Variants in MKLN1 observed in about 807,000 individuals in gnomAD.
MKLN1 encodes muskelin.
A neutral mutation model predicts 99.0 loss-of-function variants in MKLN1; 18 were observed. The ratio of observed to expected loss-of-function variants is 0.18; its 90% CI spans 0.13 to 0.27. MKLN1 has a LOEUF of 0.27. MKLN1 is among the 10% of genes least tolerant of loss of function. MKLN1 has a pLI of 1.00. For synonymous variants in MKLN1, 288 were observed against 293.2 expected, an observed-to-expected ratio of 0.98 and a Z score of 0.18; for missense variants, 621 against 875.9, an observed-to-expected ratio of 0.71 and a Z score of 3.67.
intron 1 of MKLN1, among the ~76,000 whole-genome samples, chr7:131,365,467 A>C (rs2116816729): frequency 6.6e-6 from 1 of 152,132 alleles, no homozygotes; most frequent in East Asian, 1.9e-4. Context: ...CCCACTTGTC[A>C]ATTTTTGTTT....
chr7:131,348,675 G>T (rs556071688), intron 1 of MKLN1, among the ~76,000 whole-genome samples: 2 of 152,130 alleles, frequency 1.3e-5, no homozygotes, highest in Non-Finnish European at 2.9e-5. Context: ...ATGGGTATGA[G>T]AGGAGAGTTC....
intron 1 of MKLN1, among the ~76,000 whole-genome samples, chr7:131,330,270 G>GGTC (rs1285146242): frequency 6.6e-6 from 1 of 152,112 alleles, no homozygotes; most frequent in Non-Finnish European, 1.5e-5. Context: ...TTCTTAAACA[G>GGTC]GTCTCATTTT....
chr7:131,238,227 A>G (rs1220961391), intron 3 of MKLN1, among the ~76,000 whole-genome samples: 1 of 152,196 alleles, frequency 6.6e-6, no homozygotes, highest in Non-Finnish European at 1.5e-5. Flanking sequence ...GGCAGTCCTA[A>G]ATTGGTACTA....
intron 3 of MKLN1, among the ~76,000 whole-genome samples, chr7:131,307,525 G>A (rs1159898199): frequency 3.9e-5 from 6 of 152,212 alleles, no homozygotes; most frequent in Admixed American, 2.6e-4. Context: ...AGAGTCACAG[G>A]AGCGGAGTTA....
chr7:131,120,390 C>CAA (rs548981792), intron 1 of MKLN1, among the ~76,000 whole-genome samples: 1,541 of 142,794 alleles, frequency 0.011, 39 homozygotes, highest in African/African-American at 0.038. Context: ...AACAAACAAA[C>CAA]AAAAAAAAAC....
At chr7:131,482,699 A>T (rs1289765955) in intron 17 of MKLN1, among the ~76,000 whole-genome samples, 3 of 152,190 alleles carry the variant, frequency 2.0e-5, no homozygotes, top group Non-Finnish European at 4.4e-5. Context: ...CTCCATCTCT[A>T]AAAACAAAAA....
rs1562886549 is a variant in MKLN1, at chr7:131,478,592, CTTCT to C, written c.2032-28_2032-25del. 21 of 1,138,290 alleles carry C rather than the reference CTTCT, an allele frequency of 1.8e-5. No homozygotes were observed. In the East Asian group the frequency reaches 5.2e-4, roughly 28 times the overall value. 70.5% of individuals were successfully genotyped at this position (1,138,290 alleles called of 1,614,324 possible). A position where few individuals can be genotyped will look rare whatever the true frequency, so the allele number is the denominator to read the frequency against. On this transcript the variant is annotated intron_variant, in intron 16 of 17. Transcript: ENST00000352689. ...GTGCACTTAGCCAGCTAATTTGCTG[CTTCT>C]TTTTTTTTTTTTTTTTTTTTAAACA... is the stretch of plus-strand genomic sequence containing the variant.
At chr7:131,191,783 G>A (rs540085123) in intron 2 of MKLN1, among the ~76,000 whole-genome samples, 20 of 147,228 alleles carry the variant, frequency 1.4e-4, no homozygotes, top group Non-Finnish European at 1.8e-4. Context: ...GTGCAATCTC[G>A]GCTCACTGCA....
chr7:131,460,368 A>G (rs997311835), intron 12 of MKLN1, among the ~76,000 whole-genome samples: 1 of 152,220 alleles, frequency 6.6e-6, no homozygotes, highest in Non-Finnish European at 1.5e-5. Context: ...TACAGTGTGT[A>G]GGTCTCTTTT....
intron 3 of MKLN1, among the ~76,000 whole-genome samples, chr7:131,311,799 G>A (rs576925323): frequency 1.3e-5 from 2 of 150,980 alleles, no homozygotes; most frequent in Admixed American, 1.3e-4. Context: ...TTATAAAGAC[G>A]GCATGAGACC....
chr7:131,239,299 C>G (rs1427792849), intron 3 of MKLN1, among the ~76,000 whole-genome samples: 1 of 151,384 alleles, frequency 6.6e-6, no homozygotes, highest in East Asian at 1.9e-4. Context: ...TTATGTGTTA[C>G]CTCATATGCT....
At chr7:131,143,351 C>T (rs376965089) in intron 2 of MKLN1, among the ~76,000 whole-genome samples, 34 of 152,098 alleles carry the variant, frequency 2.2e-4, no homozygotes, top group Middle Eastern at 3.4e-3. Context: ...CCTGTAATTC[C>T]GCTACTTGGG....
chr7:131,254,625 A>T (rs547944234), intron 3 of MKLN1, among the ~76,000 whole-genome samples: 1 of 152,066 alleles, frequency 6.6e-6, no homozygotes, highest in East Asian at 2.0e-4. Context: ...ACCTAATAGA[A>T]ATTCTGGAAT....
chr7:131,269,366 G>T (rs909141617), intron 3 of MKLN1, among the ~76,000 whole-genome samples: 2 of 152,148 alleles, frequency 1.3e-5, no homozygotes, highest in Non-Finnish European at 2.9e-5. Flanking sequence ...TTCATAGAGG[G>T]CGTCTTCTTG....
At chr7:131,370,729 G>A (rs1800323201) in intron 1 of MKLN1, among the ~76,000 whole-genome samples, 1 of 152,138 alleles carries the variant, frequency 6.6e-6, no homozygotes, top group African/African-American at 2.4e-5. Flanking sequence ...TCTCTTGAAG[G>A]TCTTAGTGGG....
At chr7:131,445,148 A>G (rs191838116) in intron 11 of MKLN1, among the ~76,000 whole-genome samples, 261 of 152,150 alleles carry the variant, frequency 1.7e-3, no homozygotes, top group African/African-American at 6.1e-3. Flanking sequence ...CATTAGAAAT[A>G]CTATTTCTGT....
intron 7 of MKLN1, among the ~76,000 whole-genome samples, chr7:131,413,646 TCTC>T (rs1794939330): frequency 6.6e-6 from 1 of 152,096 alleles, no homozygotes; most frequent in African/African-American, 2.4e-5. Flanking sequence ...TTCAAGTGAT[TCTC>T]CTGCCTCAGC....
chr7:131,304,660 T>A (rs1798428574), intron 3 of MKLN1, among the ~76,000 whole-genome samples: 1 of 152,328 alleles, frequency 6.6e-6, no homozygotes, highest in African/African-American at 2.4e-5. Flanking sequence ...TTTTGAGTGA[T>A]CCTGGTAAGC....
At chr7:131,264,393 A>C (rs1043421263) in intron 3 of MKLN1, among the ~76,000 whole-genome samples, 3 of 152,178 alleles carry the variant, frequency 2.0e-5, no homozygotes, top group Non-Finnish European at 4.4e-5. Context: ...AGTAAGGAAA[A>C]ACTATGCATC....
Sources: gnomAD v4.1 joint callset for allele counts (sites outside exome capture counted in the v4.1 genomes callset) on GRCh38, gnomAD v4.1.1 for gene constraint, MANE v1.5 for transcripts, NCBI Gene and HGNC (gene_info 2026-07-23, HGNC 2026-07-21) for gene names.